Variants in LNPK observed in about 807,000 individuals in gnomAD.
LNPK encodes endoplasmic reticulum junction formation protein lunapark.
LNPK carries 29 observed loss-of-function variants against 55.2 expected under a neutral mutation model. The observed-to-expected ratio is 0.53, with a 90% confidence interval of 0.39 to 0.72. The LOEUF (loss-of-function observed/expected upper bound fraction) is 0.72, where lower values mean the gene tolerates loss of function less well. Among genes scored for constraint, LNPK ranks in the 30% least tolerant of loss-of-function variants. The pLI is 0.00. For missense variants in LNPK, 467 were observed against 494.8 expected (o/e 0.94, Z 0.53); for synonymous variants, 162 against 168.2 (o/e 0.96, Z 0.29).
chr2:175,955,042 T>G (rs1217145138), intron 8 of LNPK, among the ~76,000 whole-genome samples: 2 of 152,204 alleles, frequency 1.3e-5, no homozygotes, highest in Non-Finnish European at 2.9e-5. Flanking sequence ...AGAAAGGGTT[T>G]ACAGTGATGA....
At chr2:175,977,439 C>G (rs185676788) in intron 5 of LNPK, among the ~76,000 whole-genome samples, 5 of 151,056 alleles carry the variant, frequency 3.3e-5, no homozygotes, top group Admixed American at 2.0e-4. Flanking sequence ...CAGACCCAAA[C>G]AAGTTATCAA....
intron 8 of LNPK, among the ~76,000 whole-genome samples, chr2:175,948,220 G>A (rs1217872283): frequency 6.6e-6 from 1 of 152,096 alleles, no homozygotes; most frequent in East Asian, 1.9e-4. Flanking sequence ...TATCCTTTTG[G>A]CAAATTTGTT....
At chr2:175,932,159 T>C (rs990255775) in intron 12 of LNPK, 4 of 455,358 alleles carry the variant, frequency 8.8e-6, no homozygotes, top group African/African-American at 8.0e-5. Flanking sequence ...GCCTCAATAC[T>C]GTACTGAAAC....
rs971232349 is a variant in LNPK, at chr2:175,964,535, T to G, written c.412A>C (p.Arg138=). The G allele has an allele frequency of 1.9e-6, 3 of 1,610,716 alleles. No homozygotes were observed. In the African/African-American group the frequency reaches 4.0e-5, roughly 22 times the overall value. The stretch of plus-strand genomic sequence containing the variant: ...GCTTTCTTTGAGTCCGGATCAAACC[T>G]TTCAAGAATTAATTTAGCCGTCTTG... The part of the protein sequence containing the change: ...TYKTAKLILE[R]FDPDSKKAKE... Residue 138 remains arginine (R), a synonymous_variant, in exon 7 of 13, where the codon AGG becomes CGG. Coordinates refer to ENST00000272748, the MANE Select transcript of LNPK (RefSeq NM_030650.3).
chr2:175,981,379 C>G (rs750510591), intron 4 of LNPK, among the ~76,000 whole-genome samples: 1 of 152,180 alleles, frequency 6.6e-6, no homozygotes, highest in African/African-American at 2.4e-5. Flanking sequence ...CAGCAAAGAA[C>G]TGATGCCTGC....
chr2:175,947,747 T>C, intron 8 of LNPK, 55 bp from the exon 9 acceptor site: 2 of 1,221,978 alleles, frequency 1.6e-6, no homozygotes, highest in Non-Finnish European at 2.3e-6. Context: ...TATTAGCCAG[T>C]ATCACAAACA....
At chr2:175,963,603 A>G (rs1438473195) in intron 8 of LNPK, among the ~76,000 whole-genome samples, 1 of 152,202 alleles carries the variant, frequency 6.6e-6, no homozygotes, top group Non-Finnish European at 1.5e-5. Context: ...ACCTAATGCT[A>G]GATGACAAGT....
At position 175,965,561 on chromosome 2, in the gene LNPK, C is replaced by T. The variant is rs73030684; in HGVS notation, c.358-972G>A. On this transcript the variant is annotated intron_variant, in intron 6 of 12. Transcript: ENST00000272748. ...TCCAAAGGACATTTATTTTAAAATG[C>T]AACCCAAAGCACATTTACTGAGTTA... Among the ~76,000 whole-genome samples the T allele has an allele frequency of 5.1e-3, 777 of 152,230 alleles. 4 individuals carry two copies. Among genetic ancestry groups the T allele is most frequent in the African/African-American group, 0.018 (746 of 41,542 alleles).
chr2:175,942,176 T>C (rs1249577328), intron 9 of LNPK, among the ~76,000 whole-genome samples: 1 of 152,134 alleles, frequency 6.6e-6, no homozygotes, highest in African/African-American at 2.4e-5. Flanking sequence ...TGGGTAAATA[T>C]ATAAGACTTT....
chr2:175,929,006 G>T lies in LNPK; in HGVS notation c.*961C>A. On this transcript the variant is annotated 3_prime_UTR_variant, in exon 13 of 13. Coordinates refer to ENST00000272748, the MANE Select transcript of LNPK (RefSeq NM_030650.3). ...ATAAAAGTACCATAATTTGCTCTAA[G>T]CAGAATCTACAGATTTATTGTATTG... 2 of 514,154 alleles carry T rather than the reference G, an allele frequency of 3.9e-6. No homozygotes were observed. Among genetic ancestry groups the T allele is most frequent in the Non-Finnish European group, 5.0e-6 (2 of 398,934 alleles). The allele number at this position is 514,154 out of a possible 1,614,324, so 31.8% of individuals were successfully genotyped here.
intron 12 of LNPK, 38 bp from the exon 13 acceptor site, chr2:175,930,237 A>T: frequency 6.4e-7 from 1 of 1,562,100 alleles, no homozygotes; most frequent in South Asian, 1.1e-5. Flanking sequence ...GGAATACCTG[A>T]ACGTTAAAAC....
intron 9 of LNPK, among the ~76,000 whole-genome samples, chr2:175,941,304 T>C (rs539577243): frequency 5.6e-5 from 8 of 143,120 alleles, no homozygotes; most frequent in Non-Finnish European, 1.1e-4. Flanking sequence ...TATTTATATT[T>C]ATATATAATT....
chr2:175,940,333 A>C (rs1684768728), intron 9 of LNPK, among the ~76,000 whole-genome samples: 1 of 151,832 alleles, frequency 6.6e-6, no homozygotes, highest in African/African-American at 2.4e-5. Context: ...GCAGGAGAGA[A>C]GGCACAGAGA....
At chr2:175,957,954 TGCTG>T (rs1335515584) in intron 8 of LNPK, among the ~76,000 whole-genome samples, 3 of 152,212 alleles carry the variant, frequency 2.0e-5, no homozygotes, top group Non-Finnish European at 4.4e-5. Context: ...CCTTGCTCAC[TGCTG>T]GCACAGCAGT....
chr2:175,970,081 T>G (rs958375915), intron 6 of LNPK, among the ~76,000 whole-genome samples: 1 of 152,222 alleles, frequency 6.6e-6, no homozygotes, highest in African/African-American at 2.4e-5. Context: ...TCAGCAGTTA[T>G]CATTTTCACA....
rs1192815981 is a variant in LNPK, at chr2:175,925,441, C to G, written c.*4526G>C. 1.3e-5 allele frequency: 2 copies of G among 152,164 alleles called. No individual in the cohort carries two copies. Among genetic ancestry groups the G allele is most frequent in the African/African-American group, 4.8e-5 (2 of 41,426 alleles). 9.4% of individuals were successfully genotyped at this position (152,164 alleles called of 1,614,324 possible). Reference sequence around the variant, plus strand: ...AAGAAGGCTGGGAGATGAGAAAAGACTGCATATGCAAAACACAGAAAACAC... The same window carrying G: ...AAGAAGGCTGGGAGATGAGAAAAGAGTGCATATGCAAAACACAGAAAACAC... On this transcript the variant is annotated 3_prime_UTR_variant, in exon 13 of 13. Transcript: ENST00000272748.
intron 12 of LNPK, among the ~76,000 whole-genome samples, chr2:175,932,847 C>G (rs1684343933): frequency 6.6e-6 from 1 of 152,072 alleles, no homozygotes; most frequent in Non-Finnish European, 1.5e-5. Context: ...TTTAAAACAG[C>G]TTGGTGGAAT....
At chr2:175,995,503 T>C in intron 2 of LNPK, 55 bp downstream of exon 2, 3 of 1,410,130 alleles carry the variant, frequency 2.1e-6, no homozygotes, top group African/African-American at 1.4e-5. Flanking sequence ...CAAATAGCTT[T>C]ATGTGACACT....
At chr2:175,937,317 G>A (rs775993798) in intron 12 of LNPK, 27 bp downstream of exon 12, 1 of 1,596,628 alleles carries the variant, frequency 6.3e-7, no homozygotes, top group South Asian at 1.1e-5. Flanking sequence ...TGTTATTAAG[G>A]GGCAAAACTG....
Sources: gnomAD v4.1 joint callset for allele counts (sites outside exome capture counted in the v4.1 genomes callset) on GRCh38, gnomAD v4.1.1 for gene constraint, MANE v1.5 for transcripts, NCBI Gene and HGNC (gene_info 2026-07-23, HGNC 2026-07-21) for gene names.